The following CEP85L variants were observed in gnomAD, a reference collection of about 807,000 sequenced individuals.
The protein encoded by CEP85L is centrosomal protein of 85 kDa-like.
Under a neutral mutation model 100.3 loss-of-function variants are expected in CEP85L, and 60 were observed. The observed-to-expected ratio is 0.60, with a 90% CI of 0.49 to 0.74. The LOEUF (loss-of-function observed/expected upper bound fraction) is 0.74, where lower values mean the gene tolerates loss of function less well. Ranked by LOEUF, CEP85L falls within the 30% of genes least tolerant of loss-of-function variation. The pLI, the probability that CEP85L is intolerant of heterozygous loss-of-function variation, is 0.00. For missense variants in CEP85L, 973 were observed against 936.2 expected, an observed-to-expected ratio of 1.04 and a Z score of -0.51; for synonymous variants, 319 against 322.7, an observed-to-expected ratio of 0.99 and a Z score of 0.12.
chr6:118,604,411 T>A (rs1174910866), intron 2 of CEP85L, among the ~76,000 whole-genome samples: 1 of 152,222 alleles, frequency 6.6e-6, no homozygotes, highest in South Asian at 2.1e-4. Context: ...TCCACAACTG[T>A]TCAAACTTTT....
intron 1 of CEP85L, among the ~76,000 whole-genome samples, chr6:118,693,478 G>A (rs774338217): frequency 1.3e-5 from 2 of 152,202 alleles, no homozygotes; most frequent in Admixed American, 6.5e-5. Context: ...ACCAATGTTA[G>A]TGCTGCAAAA....
At chr6:118,564,722 G>A (rs1179215225) in intron 3 of CEP85L, among the ~76,000 whole-genome samples, 1 of 151,848 alleles carries the variant, frequency 6.6e-6, no homozygotes, top group Non-Finnish European at 1.5e-5. Context: ...TTTACTCTAG[G>A]GAAAATTTGC....
In CEP85L at chr6:118,511,382, C is replaced by G. The variant is rs1344394581; in HGVS notation, c.1173G>C (p.Arg391Ser). The change falls in exon 5 of 13, where the codon AGG (arginine) becomes AGC (serine). Residue 391 changes from arginine to serine, a missense_variant. By Grantham distance (110) the Arg-to-Ser change is moderately radical. Around this residue, in one of 3 missense-constraint regions of CEP85L, gnomAD observed 890 missense variants for 844.5 expected, o/e 1.05. Coordinates refer to ENST00000368491, the MANE Select transcript of CEP85L (RefSeq NM_001042475.3). ...GAGCCCGTAATTCATTATCCCTTAT[C>G]CTCTCATGCAGGTGGGTAATTTGTT... ...QKQQITHLHE[R>S]IRDNELRAQH... is the part of the protein sequence containing the mutation. 6.2e-7 allele frequency: 1 copy of G among 1,612,714 alleles called. No homozygotes were observed. The highest frequency in any genetic ancestry group is 1.7e-5 in the Admixed American group (1 of 59,906).
At chr6:118,640,964 T>C (rs1178022181) in intron 1 of CEP85L, among the ~76,000 whole-genome samples, 2 of 152,176 alleles carry the variant, frequency 1.3e-5, no homozygotes, top group African/African-American at 4.8e-5. Flanking sequence ...AGGACTGACA[T>C]GAAAGGTAGA....
At chr6:118,701,150 C>T (rs560823385) in intron 1 of CEP85L, among the ~76,000 whole-genome samples, 7 of 152,274 alleles carry the variant, frequency 4.6e-5, no homozygotes, top group African/African-American at 7.2e-5. Flanking sequence ...GGACAGCTTT[C>T]GAGGATGGGT....
rs572893580 is a variant in CEP85L at position 118,666,588 on chromosome 6, A to G, written c.-27-13780T>C. Among the ~76,000 whole-genome samples the G allele has an allele frequency of 5.8e-4, 88 of 152,276 alleles. 4 individuals carry two copies. In the South Asian group the frequency reaches 0.016, roughly 28 times the overall value. The stretch of plus-strand genomic sequence containing the variant: ...AATACCCCACTTTATAGAAACAGAG[A>G]TAACTACCCATAGTGGCAGCTAACA... On this transcript the variant is annotated intron_variant, in intron 1 of 13. Coordinates refer to the CEP85L transcript ENST00000368488.
At chr6:118,672,808 A>AAGGAGGAGGAAGGAGAAGGAGGAGGAAG (rs1426239506) in intron 1 of CEP85L, among the ~76,000 whole-genome samples, 9 of 151,700 alleles carry the variant, frequency 5.9e-5, no homozygotes, top group African/African-American at 1.7e-4. Flanking sequence ...AAGGAGGAGG[A>AAGGAGGAGGAAGGAGAAGGAGGAGGAAG]AGGAGAAGGA....
chr6:118,505,817 T>C (rs773521561), intron 5 of CEP85L, among the ~76,000 whole-genome samples: 1 of 152,180 alleles, frequency 6.6e-6, no homozygotes, highest in Non-Finnish European at 1.5e-5. Context: ...TGGATACATG[T>C]CATTACTAAT....
chr6:118,701,638 G>A (rs540174721), intron 1 of CEP85L, among the ~76,000 whole-genome samples: 1 of 152,308 alleles, frequency 6.6e-6, no homozygotes, highest in East Asian at 1.9e-4. Context: ...GAGAGGGAGA[G>A]AGAAAGGCAA....
At chr6:118,504,989 ATT>A (rs1775552139) in intron 5 of CEP85L, among the ~76,000 whole-genome samples, 1 of 152,142 alleles carries the variant, frequency 6.6e-6, no homozygotes, top group African/African-American at 2.4e-5. Context: ...TTTACTCATA[ATT>A]GCCAAAACTT....
At position 118,465,215 on chromosome 6, in the gene CEP85L, T is replaced by G; in HGVS notation, c.*190A>C. Reference sequence around the variant, plus strand: ...CATATTTTCCAAAGGTAATTTGATTTTTTTTCTTTTTGCCTGATTAGATAA... The same window carrying G: ...CATATTTTCCAAAGGTAATTTGATTGTTTTTCTTTTTGCCTGATTAGATAA... On this transcript the variant is annotated 3_prime_UTR_variant, in exon 13 of 13. Transcript: ENST00000368491. The G allele has an allele frequency of 6.2e-6, 3 of 481,920 alleles. No homozygotes were observed. Among genetic ancestry groups the G allele is most frequent in the Non-Finnish European group, 1.1e-5 (3 of 276,338 alleles). 29.9% of individuals were successfully genotyped at this position (481,920 alleles called of 1,614,324 possible). A position where few individuals can be genotyped will look rare whatever the true frequency, so the allele number is the denominator to read the frequency against.
chr6:118,559,717 C>T (rs989112863), intron 3 of CEP85L: 7 of 168,158 alleles, frequency 4.2e-5, no homozygotes, highest in African/African-American at 1.7e-4. Flanking sequence ...TAAGGCCATA[C>T]TCTTACATAA....
intron 3 of CEP85L, among the ~76,000 whole-genome samples, chr6:118,529,608 C>CAAAAAAAA (rs55732442): frequency 1.1e-5 from 1 of 92,490 alleles, no homozygotes; most frequent in African/African-American, 4.3e-5. Context: ...ACTCTGTCTC[C>CAAAAAAAA]AAAAAAAAAA....
At chr6:118,545,029 TAGG>T (rs2114898514) in intron 3 of CEP85L, among the ~76,000 whole-genome samples, 1 of 152,080 alleles carries the variant, frequency 6.6e-6, no homozygotes, top group South Asian at 2.1e-4. Flanking sequence ...CCTGGGTGTC[TAGG>T]AGATCTAATC....
Position 118,562,280 on chromosome 6 carries a change from T to G in CEP85L, c.1020+3249A>C, listed in dbSNP as rs142839146. ...GGACGTAACAGAATACTTTAAACAC[T>G]CTCAAGTTATAAATAAAACTTTTTC... is the stretch of plus-strand genomic sequence containing the variant. On this transcript the variant is annotated intron_variant, in intron 3 of 12. Coordinates refer to ENST00000368491, the MANE Select transcript of CEP85L (RefSeq NM_001042475.3). Among the ~76,000 whole-genome samples the G allele has an allele frequency of 2.4e-4, 37 of 152,146 alleles. 1 individual carries two copies. In the East Asian group the frequency reaches 5.8e-3, roughly 24 times the overall value.
At chr6:118,691,671 G>A (rs56061975) in intron 1 of CEP85L, among the ~76,000 whole-genome samples, 33,737 of 150,566 alleles carry the variant, frequency 0.22, 4,660 homozygotes, top group Middle Eastern at 0.32. Flanking sequence ...CCCCGGAGGC[G>A]GAGGTTTCAG....
intron 1 of CEP85L, among the ~76,000 whole-genome samples, chr6:118,704,047 A>G (rs1777513611): frequency 6.6e-6 from 1 of 152,212 alleles, no homozygotes; most frequent in Non-Finnish European, 1.5e-5. Context: ...AGAGACAAAT[A>G]TAGAAGCAAA....
intron 2 of CEP85L, among the ~76,000 whole-genome samples, chr6:118,622,002 T>C (rs1054745003): frequency 6.6e-6 from 1 of 152,168 alleles, no homozygotes; most frequent in African/African-American, 2.4e-5. Context: ...GGACAAAATT[T>C]ATCTTTATAT....
chr6:118,675,588 A>T (rs1776456699), intron 1 of CEP85L, among the ~76,000 whole-genome samples: 1 of 145,198 alleles, frequency 6.9e-6, no homozygotes, highest in Admixed American at 6.9e-5. Context: ...TAAAAATAAG[A>T]TTGCTAGAAT....
Sources: allele counts gnomAD v4.1 joint callset (sites outside exome capture counted in the v4.1 genomes callset), GRCh38; gene constraint gnomAD v4.1.1; regional missense constraint gnomAD v4.1.1; transcripts MANE v1.5; gene names NCBI Gene and HGNC (gene_info 2026-07-23, HGNC 2026-07-21).